The following AK5 variants were observed in gnomAD, a reference collection of about 807,000 sequenced individuals.
AK5 encodes adenylate kinase 5.
A neutral mutation model predicts 69.5 loss-of-function variants in AK5; 27 were observed. The observed-to-expected ratio is 0.39, with a 90% CI of 0.29 to 0.54. The LOEUF (loss-of-function observed/expected upper bound fraction) is 0.54. AK5 is among the 20% of genes least tolerant of loss of function. The pLI, the probability that AK5 is intolerant of heterozygous loss-of-function variation, is 0.71. For synonymous variants in AK5, 260 were observed against 244.4 expected (o/e 1.06, Z -0.60); for missense variants, 531 against 700.4 (o/e 0.76, Z 2.73).
intron 10 of AK5, among the ~76,000 whole-genome samples, chr1:77,494,785 C>CT (rs879881037): frequency 1.6e-3 from 226 of 144,038 alleles, no homozygotes; most frequent in East Asian, 4.2e-3. Flanking sequence ...TATGCAGTAT[C>CT]TTTTTTTTTT....
At chr1:77,397,364 G>T (rs189926531) in intron 6 of AK5, among the ~76,000 whole-genome samples, 2 of 152,212 alleles carry the variant, frequency 1.3e-5, no homozygotes. Flanking sequence ...TGTCTTAGCA[G>T]TCTCTTGGCG....
intron 5 of AK5, among the ~76,000 whole-genome samples, chr1:77,311,709 G>A (rs1659973072): frequency 1.3e-5 from 2 of 152,100 alleles, no homozygotes; most frequent in Admixed American, 6.5e-5. Flanking sequence ...CTCATTGTCA[G>A]AGGCTTTGAA....
intron 8 of AK5, among the ~76,000 whole-genome samples, chr1:77,454,523 T>A (rs1478306643): frequency 2.0e-5 from 3 of 152,256 alleles, no homozygotes; most frequent in Non-Finnish European, 4.4e-5. Context: ...CTGAAAATGA[T>A]TGCATTCTAA....
At chr1:77,396,839 A>G (rs1165363087) in intron 6 of AK5, among the ~76,000 whole-genome samples, 2 of 152,324 alleles carry the variant, frequency 1.3e-5, no homozygotes, top group South Asian at 2.1e-4. Flanking sequence ...TCCTTGGGAA[A>G]GTGTTACGTT....
intron 5 of AK5, among the ~76,000 whole-genome samples, chr1:77,329,720 C>T (rs902422914): frequency 9.2e-5 from 14 of 152,134 alleles, no homozygotes; most frequent in Non-Finnish European, 2.1e-4. Context: ...TGAAGAATTC[C>T]TTTTATCTGG....
chr1:77,498,129 G>T (rs1656462150), intron 10 of AK5, among the ~76,000 whole-genome samples: 1 of 152,120 alleles, frequency 6.6e-6, no homozygotes, highest in South Asian at 2.1e-4. Context: ...AGGAAAGGGG[G>T]ATATCTAGAG....
chr1:77,425,563 G>A (rs1343114835), intron 8 of AK5, among the ~76,000 whole-genome samples: 2 of 152,044 alleles, frequency 1.3e-5, no homozygotes, highest in Non-Finnish European at 2.9e-5. Context: ...CTCCGGCCTG[G>A]GTGATAGAGC....
intron 6 of AK5, among the ~76,000 whole-genome samples, chr1:77,360,503 G>A (rs1020471158): frequency 2.6e-5 from 4 of 152,022 alleles, no homozygotes; most frequent in African/African-American, 9.7e-5. Flanking sequence ...TAGGGGGGGT[G>A]GATGTCAGAA....
At chr1:77,417,935 AG>A (rs1451020646) in intron 8 of AK5, 5 of 408,592 alleles carry the variant, frequency 1.2e-5, no homozygotes, top group Non-Finnish European at 2.2e-5. Flanking sequence ...AGTGAATTAA[AG>A]AAAGGTTTAT....
chr1:77,441,607 G>C (rs1163898784), intron 8 of AK5, among the ~76,000 whole-genome samples: 1 of 152,220 alleles, frequency 6.6e-6, no homozygotes, highest in Non-Finnish European at 1.5e-5. Flanking sequence ...TTAGGCTGTA[G>C]GACTTTGTGG....
chr1:77,497,295 C>A (rs1424467701), intron 10 of AK5, among the ~76,000 whole-genome samples: 1 of 152,156 alleles, frequency 6.6e-6, no homozygotes, highest in African/African-American at 2.4e-5. Context: ...GGATGTGCCA[C>A]CTTTAAGAGC....
At chr1:77,558,074 G>GAT (rs953078317) in intron 13 of AK5, among the ~76,000 whole-genome samples, 1 of 152,126 alleles carries the variant, frequency 6.6e-6, no homozygotes, top group African/African-American at 2.4e-5. Flanking sequence ...TGTCCATCTG[G>GAT]ATATATCAGT....
At chr1:77,478,378 A>G (rs184488641) in intron 8 of AK5, among the ~76,000 whole-genome samples, 22 of 152,234 alleles carry the variant, frequency 1.4e-4, no homozygotes, top group African/African-American at 4.6e-4. Context: ...GGTCTTTCCT[A>G]TGCTGTTCTC....
intron 6 of AK5, among the ~76,000 whole-genome samples, chr1:77,344,380 TA>T (rs1333430488): frequency 6.6e-6 from 1 of 152,238 alleles, no homozygotes; most frequent in Admixed American, 6.5e-5. Context: ...ATGTTGTCTT[TA>T]ACTTACCCTG....
At chr1:77,372,480 G>A (rs1647138464) in intron 6 of AK5, among the ~76,000 whole-genome samples, 1 of 152,064 alleles carries the variant, frequency 6.6e-6, no homozygotes, top group Non-Finnish European at 1.5e-5. Flanking sequence ...CTAGGCTTGT[G>A]GTTAAATCTC....
Position 77,287,114 on chromosome 1 carries a change from C to G in AK5, c.234C>G (p.Ser78=), listed in dbSNP as rs749949045. Residue 78 remains serine (S), a synonymous_variant, in exon 2 of 14, where the codon TCC becomes TCG. Transcript: ENST00000354567. ...TAAATGGAGGACAGTCACGGAGATC[C>G]TTTCTAAGAAATGGTAATGTATATG... ...PPLNGGQSRR[S]FLRNVMPENS... 9.6e-6 allele frequency: 15 copies of G among 1,560,022 alleles called. No individual in the cohort carries two copies. In the Admixed American group the frequency reaches 1.5e-4, roughly 16 times the overall value.
At chr1:77,533,202 C>T (rs1658746246) in intron 12 of AK5, among the ~76,000 whole-genome samples, 1 of 152,014 alleles carries the variant, frequency 6.6e-6, no homozygotes, top group African/African-American at 2.4e-5. Flanking sequence ...TGTGAAGACT[C>T]ACTTAGGGAT....
intron 13 of AK5, among the ~76,000 whole-genome samples, chr1:77,543,734 C>T (rs750264570): frequency 8.5e-5 from 13 of 152,080 alleles, no homozygotes; most frequent in Non-Finnish European, 1.2e-4. Flanking sequence ...TGACTATTCT[C>T]ATTTATGGGG....
chr1:77,376,432 CCAAAAAAAAAAAAAAAAA>C (rs1239685090), intron 6 of AK5, among the ~76,000 whole-genome samples: 1 of 20,910 alleles, frequency 4.8e-5, no homozygotes, highest in Non-Finnish European at 8.6e-5. Flanking sequence ...GCACTCAATG[CCAAAAAAAAAAAAAAAAA>C]CAAAAAAAAA....
Sources: allele counts gnomAD v4.1 joint callset (sites outside exome capture counted in the v4.1 genomes callset), GRCh38; gene constraint gnomAD v4.1.1; transcripts MANE v1.5; gene names NCBI Gene and HGNC (gene_info 2026-07-23, HGNC 2026-07-21).